The following MED12L variants were observed in gnomAD, a reference collection of about 807,000 sequenced individuals.
MED12L encodes mediator complex subunit 12L.
Under a neutral mutation model 281.3 loss-of-function variants are expected in MED12L, and 60 were observed. The observed-to-expected ratio is 0.21, with a 90% CI of 0.17 to 0.26. The LOEUF (loss-of-function observed/expected upper bound fraction) is 0.26, where lower values mean the gene tolerates loss of function less well. MED12L is among the 10% of genes least tolerant of loss of function. The pLI, the probability that MED12L is intolerant of heterozygous loss-of-function variation, is 1.00. For missense variants in MED12L, 2,146 were observed against 2,680.9 expected, an observed-to-expected ratio of 0.80 and a Z score of 4.41; for synonymous variants, 974 against 987.2, an observed-to-expected ratio of 0.99 and a Z score of 0.25.
At chr3:151,141,127 A>G (rs1160179832) in intron 5 of MED12L, among the ~76,000 whole-genome samples, 1 of 148,058 alleles carries the variant, frequency 6.8e-6, no homozygotes, top group African/African-American at 2.5e-5. Context: ...TTGGCCTCCC[A>G]CAGTGCTGGG....
rs774196067 is a variant in MED12L at position 151,132,813 on chromosome 3, C to T, written c.556+4829C>T. Among the ~76,000 whole-genome samples, 16 of 152,138 alleles carry T rather than the reference C, an allele frequency of 1.1e-4. 1 individual carries two copies. Among genetic ancestry groups the T allele is most frequent in the Non-Finnish European group, 1.8e-4 (12 of 68,016 alleles). On this transcript the variant is annotated intron_variant, in intron 5 of 44. Transcript: ENST00000687756. Reference sequence around the variant, plus strand: ...TGATACCTCTGACATTCGCCTTTGTCGTCAGCAGCTTTTTCAACTTTTAAA... The same window carrying T: ...TGATACCTCTGACATTCGCCTTTGTTGTCAGCAGCTTTTTCAACTTTTAAA...
At chr3:151,401,336 T>C (rs1341798285) in intron 39 of MED12L, among the ~76,000 whole-genome samples, 4 of 152,096 alleles carry the variant, frequency 2.6e-5, no homozygotes, top group African/African-American at 9.7e-5. Flanking sequence ...ATTTCTTCTA[T>C]ACATGTGGAA....
intron 16 of MED12L, among the ~76,000 whole-genome samples, chr3:151,233,232 G>A (rs948137644): frequency 6.6e-6 from 1 of 152,182 alleles, no homozygotes; most frequent in Non-Finnish European, 1.5e-5. Flanking sequence ...TGCCCTCTGA[G>A]TTTAGTCATG....
chr3:151,411,333 C>T lies in MED12L; in HGVS notation c.5966C>T (p.Ser1989Leu), dbSNP rs140281524. ...YGTQMPLQQT[S>L]QQQAGSVVLS... Reference sequence around the variant, plus strand: ...ACACAGATGCCTTTGCAGCAGACATCGCAGCAGCAGGCTGGCAGTGTGGTC... The same window carrying T: ...ACACAGATGCCTTTGCAGCAGACATTGCAGCAGCAGGCTGGCAGTGTGGTC... The change falls in exon 41 of 45, where the codon TCG becomes TTG. Residue 1989 changes from serine to leucine, a missense_variant. Ser to Leu is a moderately radical substitution (Grantham distance 145). Transcript: ENST00000687756. The T allele has an allele frequency of 5.6e-5, 91 of 1,614,224 alleles. No individual in the cohort carries two copies. The Admixed American group carries it at 6.3e-4, about 11-fold the overall frequency.
intron 16 of MED12L, among the ~76,000 whole-genome samples, chr3:151,196,938 A>G (rs1724745261): frequency 6.6e-6 from 1 of 152,234 alleles, no homozygotes; most frequent in Non-Finnish European, 1.5e-5. Flanking sequence ...ATTGCAGCTA[A>G]TGCAAATGGA....
At chr3:151,151,813 G>C (rs73016725) in intron 5 of MED12L, among the ~76,000 whole-genome samples, 4,515 of 152,192 alleles carry the variant, frequency 0.03, 248 homozygotes, top group African/African-American at 0.1. Flanking sequence ...ATGTAACACA[G>C]AGTCATGATG....
chr3:151,160,542 A>G (rs1042054926), intron 8 of MED12L, among the ~76,000 whole-genome samples: 12 of 152,170 alleles, frequency 7.9e-5, no homozygotes, highest in African/African-American at 2.9e-4. Flanking sequence ...GTCCTTGAAC[A>G]TCCAGTAACA....
intron 43 of MED12L, among the ~76,000 whole-genome samples, chr3:151,429,193 C>T: frequency 6.6e-6 from 1 of 152,206 alleles, no homozygotes; most frequent in South Asian, 2.1e-4. Context: ...AGCAGAGACT[C>T]ATGGAGGAAA....
At chr3:151,222,174 C>G (rs919111582) in intron 16 of MED12L, among the ~76,000 whole-genome samples, 5 of 152,222 alleles carry the variant, frequency 3.3e-5, no homozygotes, top group African/African-American at 1.2e-4. Context: ...AATGCCTGTA[C>G]TGCATTGTAT....
chr3:151,405,462 A>C (rs1008490396), intron 39 of MED12L, among the ~76,000 whole-genome samples: 4 of 152,154 alleles, frequency 2.6e-5, no homozygotes, highest in African/African-American at 9.7e-5. Flanking sequence ...CTAGACACAA[A>C]TATGCCACCA....
chr3:151,272,220 A>G (rs1211860292), intron 16 of MED12L, among the ~76,000 whole-genome samples: 1 of 152,244 alleles, frequency 6.6e-6, no homozygotes, highest in African/African-American at 2.4e-5. Flanking sequence ...TGTTTTGAAG[A>G]TGCAAAGAGG....
chr3:151,215,908 TC>T (rs1425477439), intron 16 of MED12L, among the ~76,000 whole-genome samples: 1 of 152,202 alleles, frequency 6.6e-6, no homozygotes. Flanking sequence ...GCACAGACTT[TC>T]ATTTGTGTGG....
chr3:151,183,064 T>C (rs891894400), intron 11 of MED12L, among the ~76,000 whole-genome samples: 6 of 152,210 alleles, frequency 3.9e-5, no homozygotes, highest in African/African-American at 1.4e-4. Flanking sequence ...CCTTTACATT[T>C]TTTTTCTATT....
At position 151,199,434 on chromosome 3, in the gene MED12L, A is replaced by G. The variant is rs139986654; in HGVS notation, c.2250+5768A>G. 1.1e-3 allele frequency: 1,610 copies of G among 1,503,780 alleles called. 1 individual carries two copies. The highest frequency in any genetic ancestry group is 1.8e-3 in the Admixed American group (80 of 45,520). The allele number at this position is 1,503,780 out of a possible 1,614,324, so 93.2% of individuals were successfully genotyped here. ...TGCTTATTGAAAAGAAAAAATTTCT[A>G]AGACTCTGTAAAAGAAACAAGGAAA... On this transcript the variant is annotated intron_variant, in intron 16 of 44. Coordinates refer to ENST00000687756, the MANE Select transcript of MED12L (RefSeq NM_001393769.1).
intron 5 of MED12L, among the ~76,000 whole-genome samples, chr3:151,130,304 G>T (rs1216495990): frequency 6.6e-6 from 1 of 152,030 alleles, no homozygotes; most frequent in Non-Finnish European, 1.5e-5. Flanking sequence ...GTCATTCCTG[G>T]TATTTATCTT....
intron 4 of MED12L, among the ~76,000 whole-genome samples, chr3:151,125,163 G>A (rs953538530): frequency 6.6e-6 from 1 of 152,198 alleles, no homozygotes; most frequent in Admixed American, 6.5e-5. Context: ...ATGCAACAAG[G>A]TGAGGAAGTC....
intron 2 of MED12L, among the ~76,000 whole-genome samples, chr3:151,098,205 G>C (rs991301352): frequency 2.0e-5 from 3 of 152,152 alleles, no homozygotes; most frequent in African/African-American, 7.2e-5. Context: ...CACCATTCAA[G>C]GGTGATAAGG....
intron 16 of MED12L, among the ~76,000 whole-genome samples, chr3:151,254,260 C>T (rs915976083): frequency 1.3e-5 from 2 of 152,144 alleles, no homozygotes; most frequent in Non-Finnish European, 2.9e-5. Flanking sequence ...TCACTGTGCA[C>T]GTTTCCCTTT....
At chr3:151,139,900 CT>C (rs1716684898) in intron 5 of MED12L, among the ~76,000 whole-genome samples, 1 of 152,166 alleles carries the variant, frequency 6.6e-6, no homozygotes, top group Non-Finnish European at 1.5e-5. Context: ...ACAAGAGGAG[CT>C]TTCATATAAA....
Sources: gnomAD v4.1 joint callset for allele counts (sites outside exome capture counted in the v4.1 genomes callset) on GRCh38, gnomAD v4.1.1 for gene constraint, MANE v1.5 for transcripts, NCBI Gene and HGNC (gene_info 2026-07-23, HGNC 2026-07-21) for gene names.